DCDC1: variants seen among roughly 807,000 people sequenced by gnomAD.
DCDC1 encodes the protein doublecortin domain containing 1, also known as doublecortin domain-containing protein 1.
In DCDC1, 200 loss-of-function variants were observed where a neutral mutation model predicts 178.3. That is an observed-to-expected ratio of 1.12 (90% CI 1.00 to 1.26). The LOEUF (loss-of-function observed/expected upper bound fraction) is 1.26, where lower values mean the gene tolerates loss of function less well. Among genes scored for constraint, DCDC1 ranks in the 50% most tolerant of loss-of-function variants. DCDC1 has a pLI of 0.00. For synonymous variants in DCDC1, 690 were observed against 604.8 expected, an observed-to-expected ratio of 1.14 and a Z score of -2.07; for missense variants, 1,983 against 1,749.2, an observed-to-expected ratio of 1.13 and a Z score of -2.38.
At chr11:31,234,256 A>C in intron 9 of DCDC1, among the ~76,000 whole-genome samples, 1 of 152,180 alleles carries the variant, frequency 6.6e-6, no homozygotes, top group Non-Finnish European at 1.5e-5. Context: ...ATAATTGAGA[A>C]AGTTTTATGA....
At position 31,091,496 on chromosome 11, in the gene DCDC1, T is replaced by A; in HGVS notation, c.2134A>T (p.Ser712Cys). ...AGGCAGCCCTGAGTTATCGCTCGGC[T>A]CAGGATCATTCCAGTCTTCCAATGA... Reference protein sequence around the residue: ...WLITKTGMILSRAITQGCLAI... With the variant: ...WLITKTGMILCRAITQGCLAI... Residue 712 changes from serine to cysteine, a missense_variant, in exon 17 of 39, where the codon AGC becomes TGC. Transcript: ENST00000684477. The A allele has an allele frequency of 1.3e-6, 1 of 754,026 alleles. No individual in the cohort carries two copies. Among genetic ancestry groups the A allele is most frequent in the Non-Finnish European group, 2.4e-6 (1 of 411,496 alleles). The allele number at this position is 754,026 out of a possible 1,614,324, so 46.7% of individuals were successfully genotyped here.
At chr11:31,122,217 G>A (rs1003479026) in intron 11 of DCDC1, among the ~76,000 whole-genome samples, 9 of 152,210 alleles carry the variant, frequency 5.9e-5, no homozygotes, top group African/African-American at 2.2e-4. Flanking sequence ...CTCCCCACCT[G>A]ACAGGATATA....
In DCDC1 at chr11:31,180,379, A is replaced by G. The variant is rs150613193; in HGVS notation, c.1222-42595T>C. Reference sequence around the variant, plus strand: ...GATTGGATCATTATATAACATAGATATATATCAAAACATTAAATTGGGGGG... The same window carrying G: ...GATTGGATCATTATATAACATAGATGTATATCAAAACATTAAATTGGGGGG... On this transcript the variant is annotated intron_variant, in intron 9 of 38. Transcript: ENST00000684477. Among the ~76,000 whole-genome samples the G allele has an allele frequency of 2.1e-3, 325 of 152,336 alleles. 2 individuals carry two copies. The highest frequency in any genetic ancestry group is 7.1e-3 in the African/African-American group (295 of 41,580).
intron 20 of DCDC1, among the ~76,000 whole-genome samples, chr11:30,959,236 C>T (rs111858896): frequency 6.6e-6 from 1 of 152,026 alleles, no homozygotes; most frequent in African/African-American, 2.4e-5. Flanking sequence ...AACTATAACC[C>T]CAACCCCTTG....
chr11:30,945,697 A>AATCTATCTATCT (rs57930562), intron 21 of DCDC1, among the ~76,000 whole-genome samples: 108 of 146,736 alleles, frequency 7.4e-4, no homozygotes, highest in Non-Finnish European at 9.3e-4. Context: ...CCATCTCAAA[A>AATCTATCTATCT]ATCTATCTAT....
intron 9 of DCDC1, among the ~76,000 whole-genome samples, chr11:31,150,213 T>C (rs1321739441): frequency 6.6e-6 from 1 of 152,174 alleles, no homozygotes; most frequent in Admixed American, 6.6e-5. Context: ...TAACTATGGA[T>C]ATGCACCCAA....
intron 1 of DCDC1, among the ~76,000 whole-genome samples, chr11:31,363,972 T>C (rs926068622): frequency 6.6e-6 from 1 of 152,116 alleles, no homozygotes; most frequent in African/African-American, 2.4e-5. Context: ...CCCAGGCTAG[T>C]GATAGTTAGT....
At chr11:31,114,200 C>T (rs1303094683) in intron 11 of DCDC1, among the ~76,000 whole-genome samples, 2 of 152,078 alleles carry the variant, frequency 1.3e-5, no homozygotes, top group Non-Finnish European at 2.9e-5. Context: ...TTAGCCATAC[C>T]TCAAAAATGT....
intron 20 of DCDC1, 149 bp downstream of exon 20, chr11:31,064,320 C>T: frequency 1.7e-6 from 1 of 586,952 alleles, no homozygotes; most frequent in Non-Finnish European, 3.1e-6. Flanking sequence ...CACCTTTCTT[C>T]ATCAAATGTG....
At position 31,218,994 on chromosome 11, in the gene DCDC1, G is replaced by A. The variant is rs1973918289; in HGVS notation, c.1221+22456C>T. 2.0e-5 allele frequency among the ~76,000 whole-genome samples: 3 copies of A among 152,122 alleles called. No individual in the cohort carries two copies. In the South Asian group the frequency reaches 6.2e-4, roughly 31 times the overall value. On this transcript the variant is annotated intron_variant, in intron 9 of 38. Transcript: ENST00000684477. ...ATGCATGGCTTGAAGAAACAGTGAA[G>A]GAGTGATCATAGCAAGGACAAGTTT...
At chr11:31,213,398 C>A (rs888681280) in intron 9 of DCDC1, among the ~76,000 whole-genome samples, 1 of 151,674 alleles carries the variant, frequency 6.6e-6, no homozygotes, top group South Asian at 2.1e-4. Flanking sequence ...AGTATTAAAT[C>A]CCCAAAGCTT....
chr11:31,113,889 T>C (rs1315803589), intron 11 of DCDC1, among the ~76,000 whole-genome samples: 1 of 152,216 alleles, frequency 6.6e-6, no homozygotes, highest in Non-Finnish European at 1.5e-5. Context: ...AAAACCTCAA[T>C]CAGATTTCTT....
chr11:30,954,096 A>G (rs936581628), intron 20 of DCDC1, among the ~76,000 whole-genome samples: 1 of 149,542 alleles, frequency 6.7e-6, no homozygotes, highest in African/African-American at 2.5e-5. Flanking sequence ...GCTCACTGCA[A>G]ACTCCGCCTC....
rs145165503 is a variant in DCDC1 at position 30,922,599 on chromosome 11, G to A, written c.3037C>T (p.Leu1013=). ...SCGELWINPD[L]SIAQQKKQIF... ...TGTTTCTTTTGCTGAGCAATGGACA[G>A]GTCAGGATTGATCCAGAGTTCTCCA... is the stretch of plus-strand genomic sequence containing the variant. The change falls in exon 24 of 39, where the codon CTG becomes TTG. Residue 1013 remains leucine, a synonymous_variant. Coordinates refer to ENST00000684477, the MANE Select transcript of DCDC1 (RefSeq NM_001387274.1). The A allele has an allele frequency of 7.1e-4, 1,122 of 1,577,590 alleles. 12 individuals are homozygous for A. In the African/African-American group the frequency reaches 0.014, roughly 20 times the overall value.
chr11:31,286,673 G>A (rs1233015208), intron 7 of DCDC1, among the ~76,000 whole-genome samples: 1 of 151,912 alleles, frequency 6.6e-6, no homozygotes, highest in African/African-American at 2.4e-5. Context: ...TACTTGTATT[G>A]CAGTACCCCA....
intron 9 of DCDC1, among the ~76,000 whole-genome samples, chr11:31,226,471 A>G (rs1974963653): frequency 6.6e-6 from 1 of 151,904 alleles, no homozygotes; most frequent in Non-Finnish European, 1.5e-5. Flanking sequence ...TAAAAACACA[A>G]AAGACACTTC....
At chr11:31,240,703 T>C (rs1977022460) in intron 9 of DCDC1, among the ~76,000 whole-genome samples, 1 of 152,036 alleles carries the variant, frequency 6.6e-6, no homozygotes, top group Admixed American at 6.6e-5. Flanking sequence ...GGTAAAAACA[T>C]GTGCTTCGAT....
At chr11:30,904,694 G>A in intron 31 of DCDC1, 1 of 447,064 alleles carries the variant, frequency 2.2e-6, no homozygotes, top group Non-Finnish European at 4.0e-6. Flanking sequence ...AAATCCAGTA[G>A]CTTTGTTTTC....
chr11:31,048,856 C>CA (rs1027590030), intron 20 of DCDC1, among the ~76,000 whole-genome samples: 292 of 144,126 alleles, frequency 2.0e-3, no homozygotes, highest in Middle Eastern at 0.011. Context: ...GACTCCGTCT[C>CA]AAAAAAAAAA....
Sources: gnomAD v4.1 joint callset for allele counts (sites outside exome capture counted in the v4.1 genomes callset) on GRCh38, gnomAD v4.1.1 for gene constraint, MANE v1.5 for transcripts, NCBI Gene and HGNC (gene_info 2026-07-23, HGNC 2026-07-21) for gene names.